The following COL14A1 variants were observed in gnomAD, a reference collection of about 807,000 sequenced individuals.
COL14A1 encodes the protein collagen alpha-1(XIV) chain.
COL14A1 carries 136 observed loss-of-function variants against 230.3 expected under a neutral mutation model. The observed-to-expected ratio is 0.59, with a 90% CI of 0.51 to 0.68. COL14A1 has a LOEUF of 0.68. Ranked by LOEUF, COL14A1 falls within the 30% of genes least tolerant of loss-of-function variation. The probability of loss-of-function intolerance (pLI) is 0.00; values close to 1 mark genes in which losing one functional copy is unlikely to be tolerated. For missense variants in COL14A1, 1,976 were observed against 2,215.8 expected, an observed-to-expected ratio of 0.89 and a Z score of 2.17; for synonymous variants, 792 against 784.1, an observed-to-expected ratio of 1.01 and a Z score of -0.17.
At chr8:120,226,589 C>G (rs1162148448) in intron 15 of COL14A1, 38 bp from the exon 16 acceptor site, 1 of 1,609,184 alleles carries the variant, frequency 6.2e-7, no homozygotes, top group Non-Finnish European at 8.5e-7. Flanking sequence ...TTCTTGCCTT[C>G]TCATTTCCCT....
At chr8:120,232,962 C>T (rs1271966684) in intron 19 of COL14A1, among the ~76,000 whole-genome samples, 1 of 152,040 alleles carries the variant, frequency 6.6e-6, no homozygotes, top group Admixed American at 6.6e-5. Context: ...GCCGTTCTAA[C>T]TGGCATGAGA....
chr8:120,126,988 T>G (rs936812367), intron 1 of COL14A1, among the ~76,000 whole-genome samples: 9 of 152,194 alleles, frequency 5.9e-5, no homozygotes, highest in African/African-American at 2.2e-4. Context: ...AGTGTACAAT[T>G]CAATGATTTT....
Position 120,213,859 on chromosome 8 carries a change from C to T in COL14A1, c.1597+1282C>T, listed in dbSNP as rs938611264. 10 of 342,662 alleles carry T rather than the reference C, an allele frequency of 2.9e-5. No homozygotes were observed. The Admixed American group carries it at 3.0e-4, about 10-fold the overall frequency. The allele number at this position is 342,662 out of a possible 1,614,324, so 21.2% of individuals were successfully genotyped here. Reference sequence around the variant, plus strand: ...TTATATTGCCAAATGTAATAGAATTCCAGAAAAATTTAGAGCCAAATGTGC... The same window carrying T: ...TTATATTGCCAAATGTAATAGAATTTCAGAAAAATTTAGAGCCAAATGTGC... On this transcript the variant is annotated intron_variant, in intron 13 of 47. Transcript: ENST00000297848.
chr8:120,326,837 C>G (rs1009311358), intron 40 of COL14A1, among the ~76,000 whole-genome samples: 33 of 152,140 alleles, frequency 2.2e-4, no homozygotes, highest in African/African-American at 7.9e-4. Context: ...ACCAGCCTGG[C>G]CAACATGGCG....
chr8:120,298,600 TATATA>T (rs1820604020), intron 35 of COL14A1, among the ~76,000 whole-genome samples: 1 of 38,934 alleles, frequency 2.6e-5, no homozygotes, highest in Non-Finnish European at 5.7e-5. Flanking sequence ...ATATATTTTA[TATATA>T]TATATATATA....
rs555427870 is a variant in COL14A1 at position 120,192,711 on chromosome 8, G to A, written c.437-4080G>A. Among the ~76,000 whole-genome samples the A allele has an allele frequency of 7.5e-3, 1,147 of 152,020 alleles. 16 individuals carry two copies. Among genetic ancestry groups the A allele is most frequent in the African/African-American group, 0.025 (1,031 of 41,498 alleles). On this transcript the variant is annotated intron_variant, in intron 5 of 47. Transcript: ENST00000297848. ...TCAGACATAGATTTGGTCTTTTCAC[G>A]TAGTCCCATATTTCTTGGAGGCTTT...
intron 15 of COL14A1, 37 bp from the exon 16 acceptor site, chr8:120,226,590 T>G (rs1408914333): frequency 2.4e-5 from 38 of 1,609,520 alleles, no homozygotes; most frequent in Non-Finnish European, 3.2e-5. Flanking sequence ...TCTTGCCTTC[T>G]CATTTCCCTA....
intron 12 of COL14A1, 117 bp downstream of exon 12, chr8:120,210,018 A>G (rs1202376434): frequency 7.4e-6 from 6 of 808,064 alleles, no homozygotes; most frequent in Non-Finnish European, 1.0e-5. Context: ...GCCAAAAGAA[A>G]AAAAAACACT....
intron 8 of COL14A1, among the ~76,000 whole-genome samples, chr8:120,200,519 T>C (rs552778276): frequency 1.7e-4 from 26 of 151,022 alleles, no homozygotes; most frequent in African/African-American, 6.3e-4. Flanking sequence ...TATTTCAGAG[T>C]ATTATTCTAC....
At chr8:120,154,790 A>T (rs1039292161) in intron 2 of COL14A1, among the ~76,000 whole-genome samples, 3 of 148,744 alleles carry the variant, frequency 2.0e-5, no homozygotes, top group Middle Eastern at 3.5e-3. Context: ...AGTATATGTT[A>T]AAAAAAAGTA....
At chr8:120,179,985 C>A (rs1020442028) in intron 5 of COL14A1, among the ~76,000 whole-genome samples, 5 of 152,122 alleles carry the variant, frequency 3.3e-5, no homozygotes, top group African/African-American at 1.2e-4. Context: ...GGAAAACTGG[C>A]TAGCCATATG....
chr8:120,145,599 AAGAGTG>A (rs1420630671), intron 1 of COL14A1, among the ~76,000 whole-genome samples: 1 of 152,222 alleles, frequency 6.6e-6, no homozygotes, highest in East Asian at 1.9e-4. Flanking sequence ...CCCTGGGGAC[AAGAGTG>A]AGACTCTGTC....
chr8:120,220,673 T>C (rs1300906730), intron 14 of COL14A1, among the ~76,000 whole-genome samples: 1 of 152,180 alleles, frequency 6.6e-6, no homozygotes, highest in African/African-American at 2.4e-5. Flanking sequence ...TCTGCATCTT[T>C]TCTGCATTAC....
At chr8:120,285,823 T>A in intron 32 of COL14A1, 38 bp from the exon 33 acceptor site, 1 of 1,345,494 alleles carries the variant, frequency 7.4e-7, no homozygotes, top group Non-Finnish European at 1.0e-6. Context: ...TCACCTACTT[T>A]AATTATTTCT....
intron 28 of COL14A1, 125 bp downstream of exon 28, chr8:120,278,703 C>A: frequency 3.2e-6 from 3 of 950,954 alleles, no homozygotes; most frequent in Non-Finnish European, 4.4e-6. Context: ...ATTAACTAGA[C>A]AGTGTAATTT....
intron 5 of COL14A1, among the ~76,000 whole-genome samples, chr8:120,193,218 G>T (rs1816891308): frequency 6.6e-6 from 1 of 152,158 alleles, no homozygotes; most frequent in Non-Finnish European, 1.5e-5. Context: ...GTACGGATAG[G>T]TTTTTGGTGT....
chr8:120,313,829 A>C, intron 37 of COL14A1, 103 bp from the exon 38 acceptor site: 1 of 700,050 alleles, frequency 1.4e-6, no homozygotes, highest in Non-Finnish European at 2.4e-6. Flanking sequence ...CTTAAGAAAA[A>C]CTATATAAGA....
intron 40 of COL14A1, among the ~76,000 whole-genome samples, chr8:120,327,914 G>A (rs886395081): frequency 1.3e-5 from 2 of 151,974 alleles, no homozygotes; most frequent in Non-Finnish European, 2.9e-5. Flanking sequence ...ACAGGCATGA[G>A]CCACCACGCC....
At chr8:120,129,580 C>T (rs751607506) in intron 1 of COL14A1, among the ~76,000 whole-genome samples, 31 of 152,112 alleles carry the variant, frequency 2.0e-4, no homozygotes, top group Non-Finnish European at 5.9e-5. Flanking sequence ...AAATTCCTTG[C>T]GTTTGAGTGA....
Sources: gnomAD v4.1 joint callset for allele counts (sites outside exome capture counted in the v4.1 genomes callset) on GRCh38, gnomAD v4.1.1 for gene constraint, MANE v1.5 for transcripts, NCBI Gene and HGNC (gene_info 2026-07-23, HGNC 2026-07-21) for gene names.